The following DSC1 variants were observed in gnomAD, a reference collection of about 807,000 sequenced individuals.
The protein encoded by DSC1 is desmocollin 1, also known as desmocollin-1.
DSC1 carries 79 observed loss-of-function variants against 98.8 expected under a neutral mutation model. The ratio of observed to expected loss-of-function variants is 0.80; its 90% CI spans 0.67 to 0.96. DSC1 has a LOEUF of 0.96. Among genes scored for constraint, DSC1 ranks in the 50% least tolerant of loss-of-function variants. The probability of loss-of-function intolerance (pLI) is 0.00; values close to 1 mark genes in which losing one functional copy is unlikely to be tolerated. For missense variants in DSC1, 1,115 were observed against 1,075.9 expected (o/e 1.04, Z -0.51); for synonymous variants, 405 against 372.1 (o/e 1.09, Z -1.02).
rs1989234950 is a variant in DSC1 at position 31,162,760 on chromosome 18, G to T, written c.-166C>A. 2 of 599,718 alleles carry T rather than the reference G, an allele frequency of 3.3e-6. No homozygotes were observed. Among genetic ancestry groups the T allele is most frequent in the Non-Finnish European group, 6.0e-6 (2 of 333,060 alleles). The allele number at this position is 599,718 out of a possible 1,614,324, so 37.1% of individuals were successfully genotyped here. On this transcript the variant is annotated 5_prime_UTR_variant, in exon 1 of 16. Transcript: ENST00000257198. ...TCCGGAGGCAAGTGATAAACAGTAG[G>T]AGGAGCAACGGGAGAATTTCTTTCC...
At chr18:31,134,235 C>G in intron 12 of DSC1, 105 bp from the exon 13 acceptor site, 1 of 1,399,452 alleles carries the variant, frequency 7.1e-7, no homozygotes, top group South Asian at 1.5e-5. Flanking sequence ...AATAAAAACT[C>G]GAATTTTTCT....
chr18:31,161,910 G>A (rs932875047), intron 1 of DSC1, among the ~76,000 whole-genome samples: 7 of 152,028 alleles, frequency 4.6e-5, no homozygotes, highest in African/African-American at 1.5e-4. Flanking sequence ...AATGATGGAC[G>A]GATGTGTGAA....
In DSC1 at chr18:31,131,683, A is replaced by T. The variant is rs761823934; in HGVS notation, c.2398T>A (p.Leu800Met). ...DSNKGGGHQT[L>M]ESVKGVGQGD... ...TGCCCCACTCCCTTGACGGACTCCA[A>T]GGTCTGATGTCCACCTCCTTTGTTG... The change falls in exon 15 of 16, where the codon TTG (leucine) becomes ATG (methionine). Residue 800 changes from leucine to methionine, a missense_variant. Coordinates refer to ENST00000257198, the MANE Select transcript of DSC1 (RefSeq NM_024421.2). 6.2e-7 allele frequency: 1 copy of T among 1,614,098 alleles called. No individual in the cohort carries two copies. Among genetic ancestry groups the T allele is most frequent in the South Asian group, 1.1e-5 (1 of 91,078 alleles).
Position 31,156,696 on chromosome 18 carries a change from C to A in DSC1, c.352-534G>T, listed in dbSNP as rs77491523. ...AAAAAGAATTTAGTTGGGAAATCCT[C>A]TCCTAAATAGAATCATTTATTAAGA... On this transcript the variant is annotated intron_variant, in intron 3 of 15. Transcript: ENST00000257198. Among the ~76,000 whole-genome samples the A allele has an allele frequency of 6.2e-3, 951 of 152,300 alleles. 10 individuals carry two copies. Among genetic ancestry groups the A allele is most frequent in the African/African-American group, 0.021 (892 of 41,558 alleles).
intron 6 of DSC1, among the ~76,000 whole-genome samples, chr18:31,147,096 T>A (rs137987730): frequency 6.6e-6 from 1 of 152,298 alleles, no homozygotes; most frequent in South Asian, 2.1e-4. Flanking sequence ...AGTCTTGTTA[T>A]ACCCCTTAGT....
chr18:31,155,177 T>C (rs1989072237), intron 4 of DSC1, among the ~76,000 whole-genome samples: 2 of 152,230 alleles, frequency 1.3e-5, no homozygotes, highest in Non-Finnish European at 2.9e-5. Context: ...CTATAAAACA[T>C]GTAGAGTAAT....
intron 5 of DSC1, among the ~76,000 whole-genome samples, chr18:31,150,452 C>CACTATCAT: frequency 1.3e-5 from 2 of 151,254 alleles, no homozygotes; most frequent in Non-Finnish European, 3.0e-5. Flanking sequence ...ACCACTACCA[C>CACTATCAT]CACCACCATC....
At chr18:31,145,175 C>T in intron 7 of DSC1, among the ~76,000 whole-genome samples, 1 of 151,728 alleles carries the variant, frequency 6.6e-6, no homozygotes, top group Non-Finnish European at 1.5e-5. Flanking sequence ...ATCTCCTAAC[C>T]TCATGATCCG....
intron 13 of DSC1, 50 bp from the exon 14 acceptor site, chr18:31,132,739 T>C (rs768108030): frequency 6.5e-6 from 10 of 1,536,068 alleles, no homozygotes; most frequent in African/African-American, 4.1e-5. Flanking sequence ...AATCATTTGA[T>C]TACATGATTT....
At chr18:31,155,765 C>T (rs1433526613) in intron 4 of DSC1, among the ~76,000 whole-genome samples, 2 of 152,106 alleles carry the variant, frequency 1.3e-5, no homozygotes, top group African/African-American at 2.4e-5. Flanking sequence ...TTAGTGTTAA[C>T]AAGTCTAGCA....
At chr18:31,140,967 C>T (rs1397343133) in intron 9 of DSC1, among the ~76,000 whole-genome samples, 1 of 152,156 alleles carries the variant, frequency 6.6e-6, no homozygotes, top group East Asian at 1.9e-4. Context: ...CTCGCAGGAG[C>T]TGATAGCTTT....
At chr18:31,156,924 C>G (rs1265534866) in intron 3 of DSC1, among the ~76,000 whole-genome samples, 2 of 152,166 alleles carry the variant, frequency 1.3e-5, no homozygotes, top group Non-Finnish European at 2.9e-5. Context: ...ATAGAATATT[C>G]TAGTAAGATG....
Position 31,141,994 on chromosome 18 carries a change from T to C in DSC1, c.1260+5A>G. 6.3e-7 allele frequency: 1 copy of C among 1,593,184 alleles called. No homozygotes were observed. Among genetic ancestry groups the C allele is most frequent in the Non-Finnish European group, 8.5e-7 (1 of 1,174,458 alleles). On this transcript the variant is annotated splice_donor_5th_base_variant and intron_variant, in intron 9 of 15. Transcript: ENST00000257198. ...AAGCATAGCCTGATTATTTTATTTG[T>C]TTACCTTGACAACACACAGCACTCC...
At chr18:31,152,466 T>C (rs990611787) in intron 5 of DSC1, among the ~76,000 whole-genome samples, 2 of 152,206 alleles carry the variant, frequency 1.3e-5, no homozygotes, top group African/African-American at 4.8e-5. Context: ...AACATGAATA[T>C]GGCTTATATA....
intron 3 of DSC1, 38 bp downstream of exon 3, chr18:31,157,333 T>C (rs763081407): frequency 3.8e-6 from 6 of 1,596,614 alleles, no homozygotes; most frequent in Non-Finnish European, 4.3e-6. Flanking sequence ...CCCGTAAGCA[T>C]ATTACTGTGC....
At chr18:31,141,640 G>A (rs1453094937) in intron 9 of DSC1, among the ~76,000 whole-genome samples, 2 of 151,518 alleles carry the variant, frequency 1.3e-5, no homozygotes, top group Non-Finnish European at 2.9e-5. Context: ...GAAAAGTTGA[G>A]GCTTGATTTC....
chr18:31,131,642 T>A lies in DSC1; in HGVS notation c.2439A>T (p.Arg813Ser), dbSNP rs1231724142. ...VKGVGQGDTG[R>S]YAYTDWQSFT... The stretch of plus-strand genomic sequence containing the variant: ...AACTCTGCCAGTCCGTGTACGCATA[T>A]CTGCCAGTATCTCCCTGCCCCACTC... The change falls in exon 15 of 16, where the codon AGA becomes AGT. Residue 813 changes from arginine to serine, a missense_variant. Physicochemically the swap from Arg to Ser is moderately radical, Grantham distance 110. Coordinates refer to ENST00000257198, the MANE Select transcript of DSC1 (RefSeq NM_024421.2). The A allele has an allele frequency of 6.2e-7, 1 of 1,613,982 alleles. No homozygotes were observed. The highest frequency in any genetic ancestry group is 8.5e-7 in the Non-Finnish European group (1 of 1,180,002).
intron 13 of DSC1, among the ~76,000 whole-genome samples, chr18:31,133,418 G>A (rs753729754): frequency 1.4e-4 from 22 of 151,998 alleles, no homozygotes; most frequent in African/African-American, 2.4e-4. Flanking sequence ...TTTCACTCAC[G>A]GAAGTCTTAC....
intron 5 of DSC1, 25 bp downstream of exon 5, chr18:31,154,749 T>C (rs2143926272): frequency 6.4e-7 from 1 of 1,556,618 alleles, no homozygotes; most frequent in South Asian, 1.2e-5. Context: ...GATATAATTA[T>C]GAATAAATAT....
Sources: gnomAD v4.1 joint callset for allele counts (sites outside exome capture counted in the v4.1 genomes callset) on GRCh38, gnomAD v4.1.1 for gene constraint, MANE v1.5 for transcripts, NCBI Gene and HGNC (gene_info 2026-07-23, HGNC 2026-07-21) for gene names.